Variants in DPP8 observed in about 807,000 individuals in gnomAD.
DPP8 encodes the protein dipeptidyl peptidase 8.
Under a neutral mutation model 107.5 loss-of-function variants are expected in DPP8, and 31 were observed. That is an observed-to-expected ratio of 0.29 (90% CI 0.22 to 0.39). DPP8 has a LOEUF of 0.39. Ranked by LOEUF, DPP8 falls within the 10% of genes least tolerant of loss-of-function variation. The probability of loss-of-function intolerance (pLI) is 1.00; values close to 1 mark genes in which losing one functional copy is unlikely to be tolerated. For missense variants in DPP8, 842 were observed against 1,076.1 expected, an observed-to-expected ratio of 0.78 and a Z score of 3.04; for synonymous variants, 381 against 356.6, an observed-to-expected ratio of 1.07 and a Z score of -0.77.
intron 5 of DPP8, among the ~76,000 whole-genome samples, chr15:65,494,001 C>G (rs1288400835): frequency 7.1e-6 from 1 of 141,740 alleles, no homozygotes; most frequent in Admixed American, 6.7e-5. Context: ...GATATTAACT[C>G]ATTAAAGCCT....
At chr15:65,505,278 C>T (rs2069816449) in intron 3 of DPP8, among the ~76,000 whole-genome samples, 1 of 151,672 alleles carries the variant, frequency 6.6e-6, no homozygotes, top group Non-Finnish European at 1.5e-5. Context: ...TGGTGTGAAC[C>T]CGGGAGGAGG....
intron 11 of DPP8, among the ~76,000 whole-genome samples, chr15:65,478,388 A>T (rs892803882): frequency 6.6e-6 from 1 of 152,024 alleles, no homozygotes; most frequent in African/African-American, 2.4e-5. Flanking sequence ...CTTCCCGAGT[A>T]AGCTAAGACT....
rs1237773132 is a variant in DPP8, at chr15:65,443,825, A to G, written c.*3059T>C. On this transcript the variant is annotated 3_prime_UTR_variant, in exon 20 of 20. Transcript: ENST00000300141. Reference sequence around the variant, plus strand: ...TCTCTATAGAAGAGTTTCTTAAAGTAGTCCACAGATGACTTACTATAGGAT... The same window carrying G: ...TCTCTATAGAAGAGTTTCTTAAAGTGGTCCACAGATGACTTACTATAGGAT... 2 of 152,254 alleles carry G rather than the reference A, an allele frequency of 1.3e-5. No homozygotes were observed. The highest frequency in any genetic ancestry group is 2.4e-5 in the African/African-American group (1 of 41,458). 9.4% of individuals were successfully genotyped at this position (152,254 alleles called of 1,614,324 possible).
chr15:65,482,430 T>C (rs1595987938), intron 8 of DPP8, among the ~76,000 whole-genome samples: 1 of 152,078 alleles, frequency 6.6e-6, no homozygotes, highest in East Asian at 1.9e-4. Flanking sequence ...TATGGGTATA[T>C]ACCACCACGC....
chr15:65,482,837 C>T (rs1375578769), intron 8 of DPP8, among the ~76,000 whole-genome samples: 1 of 152,000 alleles, frequency 6.6e-6, no homozygotes, highest in Non-Finnish European at 1.5e-5. Flanking sequence ...TGGCTCACAC[C>T]TGTAATCCCA....
At position 65,444,487 on chromosome 15, in the gene DPP8, T is replaced by C. The variant is rs191590437; in HGVS notation, c.*2397A>G. ...CCCATACTCAGGGGGTACAAACTTT[T>C]AGTGAGATTTCTACTGATTGCCTCA... On this transcript the variant is annotated 3_prime_UTR_variant, in exon 20 of 20. Coordinates refer to ENST00000300141, the MANE Select transcript of DPP8 (RefSeq NM_130434.5). 16 of 152,374 alleles carry C rather than the reference T, an allele frequency of 1.1e-4. No individual in the cohort carries two copies. Among genetic ancestry groups the C allele is most frequent in the Admixed American group, 3.9e-4 (6 of 15,308 alleles). 9.4% of individuals were successfully genotyped at this position (152,374 alleles called of 1,614,324 possible). A position where few individuals can be genotyped will look rare whatever the true frequency, so the allele number is the denominator to read the frequency against.
intron 1 of DPP8, chr15:65,515,608 T>G (rs2141156240): frequency 6.4e-7 from 1 of 1,561,596 alleles, no homozygotes; most frequent in Non-Finnish European, 8.8e-7. Flanking sequence ...TGCATATATT[T>G]CACTGCCCCA....
chr15:65,479,850 C>CAAAAAA (rs56303808), intron 10 of DPP8, among the ~76,000 whole-genome samples: 6 of 66,760 alleles, frequency 9.0e-5, no homozygotes, highest in Non-Finnish European at 1.5e-4. Context: ...GACTCCGTCT[C>CAAAAAA]AAAAAAAAAA....
chr15:65,456,103 C>T (rs1472643081), intron 16 of DPP8, 122 bp downstream of exon 16: 28 of 1,135,720 alleles, frequency 2.5e-5, no homozygotes, highest in Non-Finnish European at 3.1e-5. Context: ...AACTCTAACA[C>T]ATACACTCTC....
chr15:65,510,855 G>A (rs1042090606), intron 2 of DPP8, among the ~76,000 whole-genome samples: 2 of 152,116 alleles, frequency 1.3e-5, no homozygotes, highest in African/African-American at 4.8e-5. Flanking sequence ...GGCTTTTTAA[G>A]CATGTGAAAT....
intron 15 of DPP8, among the ~76,000 whole-genome samples, chr15:65,460,789 G>A (rs896536826): frequency 6.6e-6 from 1 of 152,166 alleles, no homozygotes; most frequent in Non-Finnish European, 1.5e-5. Context: ...CTATGGCTAT[G>A]GCTGTATAAG....
rs770099487 is a variant in DPP8 at position 65,478,976 on chromosome 15, A to T, written c.1360T>A (p.Ser454Thr). Residue 454 changes from serine to threonine, a missense_variant, in exon 11 of 20, where the codon TCT becomes ACT. By Grantham distance (58) the Ser-to-Thr change is moderately conservative. This residue lies in a region of DPP8 where 663 missense variants were observed against 758.0 expected (regional missense o/e 0.87). Coordinates refer to ENST00000300141, the MANE Select transcript of DPP8 (RefSeq NM_130434.5). ...HEEEIEFIFA[S>T]ECKTGFRHLY... ...TGACGGAAACCTGTTTTGCATTCAG[A>T]GGCAAAAATAAACTCAATTTCCTCT... The T allele has an allele frequency of 2.3e-5, 36 of 1,593,904 alleles. No individual in the cohort carries two copies. The highest frequency in any genetic ancestry group is 3.0e-5 in the Non-Finnish European group (35 of 1,172,780).
intron 13 of DPP8, 107 bp downstream of exon 13, chr15:65,466,964 T>A (rs928687868): frequency 6.8e-7 from 1 of 1,468,048 alleles, no homozygotes; most frequent in African/African-American, 1.4e-5. Flanking sequence ...AAGCTTTTCC[T>A]TAGAGAATTA....
intron 11 of DPP8, among the ~76,000 whole-genome samples, chr15:65,477,371 G>T (rs1035978076): frequency 6.6e-6 from 1 of 151,368 alleles, no homozygotes; most frequent in African/African-American, 2.4e-5. Flanking sequence ...TTCCAGCCTG[G>T]GTGACAAGAG....
intron 4 of DPP8, among the ~76,000 whole-genome samples, chr15:65,499,447 T>C (rs1016882871): frequency 1.3e-5 from 2 of 152,082 alleles, no homozygotes; most frequent in African/African-American, 4.8e-5. Context: ...GATCTCAAAC[T>C]CCTGATCTCA....
At chr15:65,460,084 T>C (rs1289423921) in intron 15 of DPP8, among the ~76,000 whole-genome samples, 1 of 152,228 alleles carries the variant, frequency 6.6e-6, no homozygotes, top group Non-Finnish European at 1.5e-5. Flanking sequence ...CATGCTGCTG[T>C]GTAACCATCA....
chr15:65,512,903 T>C, intron 1 of DPP8: 1 of 257,070 alleles, frequency 3.9e-6, no homozygotes, highest in Admixed American at 5.0e-5. Context: ...AGTTGGCTGC[T>C]ATGCTCCACC....
At chr15:65,510,927 A>G (rs766841848) in intron 2 of DPP8, among the ~76,000 whole-genome samples, 1 of 152,238 alleles carries the variant, frequency 6.6e-6, no homozygotes, top group Non-Finnish European at 1.5e-5. Flanking sequence ...CTGTTCGCTA[A>G]TCTGACTGGG....
At chr15:65,499,268 G>A (rs1005734978) in intron 4 of DPP8, among the ~76,000 whole-genome samples, 5 of 149,306 alleles carry the variant, frequency 3.3e-5, no homozygotes, top group African/African-American at 1.0e-4. Context: ...TCACTCTGTC[G>A]CCCAGGGTGG....
Sources: gnomAD v4.1 joint callset for allele counts (sites outside exome capture counted in the v4.1 genomes callset) on GRCh38, gnomAD v4.1.1 for gene constraint, gnomAD v4.1.1 regional missense constraint, MANE v1.5 for transcripts, NCBI Gene and HGNC (gene_info 2026-07-23, HGNC 2026-07-21) for gene names.